Variants in VPS41 observed in about 807,000 individuals in gnomAD.
VPS41 encodes vacuolar protein sorting-associated protein 41 homolog.
A neutral mutation model predicts 130.9 loss-of-function variants in VPS41; 85 were observed. The observed-to-expected ratio is 0.65, with a 90% CI of 0.55 to 0.78. The LOEUF (loss-of-function observed/expected upper bound fraction) is 0.78, where lower values mean the gene tolerates loss of function less well. Among genes scored for constraint, VPS41 ranks in the 30% least tolerant of loss-of-function variants. The pLI, the probability that VPS41 is intolerant of heterozygous loss-of-function variation, is 0.00. For missense variants in VPS41, 874 were observed against 1,018.7 expected (o/e 0.86, Z 1.93); for synonymous variants, 335 against 332.9 (o/e 1.01, Z -0.07).
Position 38,796,737 on chromosome 7 carries a change from T to G in VPS41, c.570+8A>C. On this transcript the variant is annotated splice_region_variant and intron_variant, in intron 8 of 28. Coordinates refer to ENST00000310301, the MANE Select transcript of VPS41 (RefSeq NM_014396.4). ...CAAGCATTAGGAAGACAGAGGCATA[T>G]TTTTTACCATATTATTGGCCCAAGC... 6.2e-7 allele frequency: 1 copy of G among 1,613,548 alleles called. No homozygotes were observed. Among genetic ancestry groups the G allele is most frequent in the South Asian group, 1.1e-5 (1 of 91,082 alleles).
At chr7:38,736,055 A>G (rs1486981462) in intron 25 of VPS41, among the ~76,000 whole-genome samples, 1 of 152,244 alleles carries the variant, frequency 6.6e-6, no homozygotes, top group African/African-American at 2.4e-5. Flanking sequence ...GCTTTATTAG[A>G]TCCCAAAATA....
intron 7 of VPS41, among the ~76,000 whole-genome samples, chr7:38,816,053 C>T (rs566623161): frequency 1.4e-4 from 21 of 151,968 alleles, no homozygotes; most frequent in East Asian, 1.4e-3. Context: ...TGAAGAAATA[C>T]GAGAGGAATG....
At chr7:38,778,129 C>G (rs764354862) in intron 10 of VPS41, among the ~76,000 whole-genome samples, 41 of 152,246 alleles carry the variant, frequency 2.7e-4, no homozygotes, top group Admixed American at 7.2e-4. Flanking sequence ...CTGCTTTGTC[C>G]TCAATTAAAG....
At chr7:38,892,949 G>T (rs148934324) in intron 2 of VPS41, among the ~76,000 whole-genome samples, 1 of 151,882 alleles carries the variant, frequency 6.6e-6, no homozygotes, top group Admixed American at 6.6e-5. Context: ...TTTGTCTTCC[G>T]CTACTGCCTT....
At chr7:38,812,319 G>C (rs975185441) in intron 7 of VPS41, among the ~76,000 whole-genome samples, 2 of 152,124 alleles carry the variant, frequency 1.3e-5, no homozygotes, top group African/African-American at 4.8e-5. Flanking sequence ...CAACAGTGAT[G>C]CTGGGCCAAC....
intron 1 of VPS41, among the ~76,000 whole-genome samples, chr7:38,898,984 A>G (rs1373452643): frequency 6.6e-6 from 1 of 152,236 alleles, no homozygotes; most frequent in African/African-American, 2.4e-5. Flanking sequence ...CATTTTAGAT[A>G]TAACTAATAC....
At chr7:38,878,181 C>T (rs984768074) in intron 2 of VPS41, among the ~76,000 whole-genome samples, 1 of 151,626 alleles carries the variant, frequency 6.6e-6, no homozygotes, top group Non-Finnish European at 1.5e-5. Context: ...AGAAAACTAA[C>T]AAAAGTAAAG....
chr7:38,783,393 A>C (rs1394842355), intron 10 of VPS41, among the ~76,000 whole-genome samples: 1 of 151,294 alleles, frequency 6.6e-6, no homozygotes, highest in Non-Finnish European at 1.5e-5. Context: ...AAATTAGCCA[A>C]GCGTGGTGGC....
At chr7:38,857,074 T>C (rs1786003238) in intron 4 of VPS41, among the ~76,000 whole-genome samples, 2 of 152,198 alleles carry the variant, frequency 1.3e-5, no homozygotes, top group South Asian at 4.1e-4. Flanking sequence ...TCTGGGTTTT[T>C]ATCAGCACAT....
rs754520256 is a variant in VPS41, at chr7:38,765,588, G to A, written c.1321C>T (p.Gln441Ter). The change falls in exon 16 of 29, where the codon CAG (glutamine) becomes TAG (stop). Residue 441 changes from glutamine to a stop codon, truncating the protein, a stop_gained. Coordinates refer to ENST00000310301, the MANE Select transcript of VPS41 (RefSeq NM_014396.4). LOFTEE classifies it high-confidence loss of function. ...AATAAGGCTTTGCTTACCTTAAGCTGTCCAATTTCTTTAAATTTATAAACT... is the reference window on the plus strand; with the variant it reads ...AATAAGGCTTTGCTTACCTTAAGCTATCCAATTTCTTTAAATTTATAAACT... ...YEVYKFKEIG[Q>*]LKAISPYLPR... 1 of 1,593,892 alleles carries A rather than the reference G, an allele frequency of 6.3e-7. No homozygotes were observed. Among genetic ancestry groups the A allele is most frequent in the South Asian group, 1.2e-5 (1 of 86,576 alleles).
chr7:38,890,720 C>T (rs186838185), intron 2 of VPS41, among the ~76,000 whole-genome samples: 1 of 151,354 alleles, frequency 6.6e-6, no homozygotes, highest in African/African-American at 2.4e-5. Flanking sequence ...GGGTCTTGCT[C>T]TGCTGTCCAG....
chr7:38,728,860 T>C (rs2115558483), intron 25 of VPS41, 69 bp from the exon 26 acceptor site: 4 of 1,366,792 alleles, frequency 2.9e-6, no homozygotes, highest in Non-Finnish European at 4.1e-6. Context: ...AGGGACACTG[T>C]ACTGGGGATT....
rs1784288326 is a variant in VPS41 at position 38,777,849 on chromosome 7, T to C, written c.785-1073A>G. Among the ~76,000 whole-genome samples, 3 of 152,224 alleles carry C rather than the reference T, an allele frequency of 2.0e-5. No individual in the cohort carries two copies. The South Asian group carries it at 6.2e-4, about 31-fold the overall frequency. ...GTTATAACTTCCACTAAATTGAACT[T>C]GAACAAGTCATTTTAACATTTCCCA... On this transcript the variant is annotated intron_variant, in intron 10 of 28. Coordinates refer to ENST00000310301, the MANE Select transcript of VPS41 (RefSeq NM_014396.4).
chr7:38,786,112 C>T (rs779603992), intron 10 of VPS41, among the ~76,000 whole-genome samples: 9 of 152,200 alleles, frequency 5.9e-5, no homozygotes, highest in Non-Finnish European at 1.2e-4. Flanking sequence ...ACTCTGTAAA[C>T]AAAGGCCAGG....
At chr7:38,726,590 A>G (rs1333833686) in intron 28 of VPS41, among the ~76,000 whole-genome samples, 1 of 152,226 alleles carries the variant, frequency 6.6e-6, no homozygotes. Flanking sequence ...ATCATGGAAC[A>G]CAAATCAGGC....
chr7:38,877,283 G>C (rs1168366017), intron 2 of VPS41, among the ~76,000 whole-genome samples: 1 of 152,074 alleles, frequency 6.6e-6, no homozygotes. Flanking sequence ...TTAACCAAAG[G>C]AACCTCAGAG....
chr7:38,856,334 C>T (rs1451495623), intron 4 of VPS41, among the ~76,000 whole-genome samples: 1 of 151,956 alleles, frequency 6.6e-6, no homozygotes, highest in African/African-American at 2.4e-5. Context: ...CCCCCAAGTC[C>T]CCAATTCTAA....
chr7:38,880,282 ACTT>A (rs1786577327), intron 2 of VPS41, among the ~76,000 whole-genome samples: 1 of 152,188 alleles, frequency 6.6e-6, no homozygotes, highest in South Asian at 2.1e-4. Flanking sequence ...AAACAGTAAC[ACTT>A]CTTATCTAAT....
At chr7:38,855,208 CAAAAAAA>C (rs746134361) in intron 4 of VPS41, among the ~76,000 whole-genome samples, 141 of 77,254 alleles carry the variant, frequency 1.8e-3, no homozygotes, top group African/African-American at 7.6e-3. Flanking sequence ...GACTCCCTCT[CAAAAAAA>C]AAAAAAAAAA....
Sources: allele counts gnomAD v4.1 joint callset (sites outside exome capture counted in the v4.1 genomes callset), GRCh38; gene constraint gnomAD v4.1.1; transcripts MANE v1.5; gene names NCBI Gene and HGNC (gene_info 2026-07-23, HGNC 2026-07-21).